Variants in KCNIP4 observed in about 807,000 individuals in gnomAD.
KCNIP4 encodes the protein Kv channel-interacting protein 4.
KCNIP4 carries 12 observed loss-of-function variants against 34.0 expected under a neutral mutation model. The ratio of observed to expected loss-of-function variants is 0.35; its 90% CI spans 0.23 to 0.57. The LOEUF (loss-of-function observed/expected upper bound fraction) is 0.57, where lower values mean the gene tolerates loss of function less well. KCNIP4 is among the 20% of genes least tolerant of loss of function. KCNIP4 has a pLI of 0.83. For missense variants in KCNIP4, 238 were observed against 311.7 expected (o/e 0.76, Z 1.78); for synonymous variants, 124 against 102.2 (o/e 1.21, Z -1.29).
intron 1 of KCNIP4, among the ~76,000 whole-genome samples, chr4:21,019,153 T>C (rs193091656): frequency 1.3e-5 from 2 of 152,278 alleles, no homozygotes; most frequent in Middle Eastern, 3.4e-3. Flanking sequence ...TTTTCTATTC[T>C]TTTTTGTTGT....
intron 1 of KCNIP4, among the ~76,000 whole-genome samples, chr4:21,757,120 A>G (rs946937937): frequency 8.9e-4 from 16 of 17,980 alleles, no homozygotes; most frequent in African/African-American, 5.7e-3. Context: ...AGAAAGAAAG[A>G]AAGAAAGAAA....
intron 1 of KCNIP4, among the ~76,000 whole-genome samples, chr4:21,514,461 T>A (rs1315585122): frequency 6.6e-6 from 1 of 152,078 alleles, no homozygotes; most frequent in Non-Finnish European, 1.5e-5. Context: ...ATCCACACAA[T>A]AAAATATAAC....
intron 1 of KCNIP4, among the ~76,000 whole-genome samples, chr4:21,713,011 C>A (rs942217135): frequency 2.6e-5 from 4 of 152,118 alleles, no homozygotes; most frequent in African/African-American, 9.7e-5. Context: ...CTGTCCAGGT[C>A]CTGTTGAATG....
At chr4:21,687,351 C>T (rs897480883) in intron 1 of KCNIP4, among the ~76,000 whole-genome samples, 35 of 150,060 alleles carry the variant, frequency 2.3e-4, no homozygotes, top group Non-Finnish European at 5.0e-4. Context: ...TAGGAAGTCA[C>T]AATTCTACCA....
intron 1 of KCNIP4, among the ~76,000 whole-genome samples, chr4:21,695,633 T>TA (rs1393984298): frequency 6.6e-6 from 1 of 152,122 alleles, no homozygotes; most frequent in African/African-American, 2.4e-5. Flanking sequence ...CCCAACCACT[T>TA]ACCATTTTCG....
intron 1 of KCNIP4, among the ~76,000 whole-genome samples, chr4:21,616,456 G>C (rs115066737): frequency 6.6e-6 from 1 of 152,178 alleles, no homozygotes; most frequent in African/African-American, 2.4e-5. Flanking sequence ...TGTTGCAATT[G>C]TCTACAACAG....
intron 1 of KCNIP4, among the ~76,000 whole-genome samples, chr4:21,901,556 G>A (rs1209700902): frequency 6.6e-6 from 1 of 152,166 alleles, no homozygotes; most frequent in Non-Finnish European, 1.5e-5. Context: ...CTCTCAAGAG[G>A]TAAAGTGGGG....
At chr4:20,883,965 G>C (rs1321170233) in intron 1 of KCNIP4, among the ~76,000 whole-genome samples, 1 of 152,158 alleles carries the variant, frequency 6.6e-6, no homozygotes, top group East Asian at 1.9e-4. Flanking sequence ...AGCATTTGCA[G>C]CCACTCTCTC....
Position 21,259,920 on chromosome 4 carries a change from T to TGTGTGTGTGTGTGCGC in KCNIP4, c.62-377212_62-377211insGCGCACACACACACAC, listed in dbSNP as rs755266993. On this transcript the variant is annotated intron_variant, in intron 1 of 8. Transcript: ENST00000382152. ...GTGTGTGTGTGTGTGTGTGTGTGTG[T>TGTGTGTGTGTGTGCGC]GCACGTGCGCTTATGTGCATTGTGC... 3.1e-4 allele frequency among the ~76,000 whole-genome samples: 47 copies of TGTGTGTGTGTGTGCGC among 150,194 alleles called. No individual in the cohort carries two copies. The East Asian group carries it at 9.2e-3, about 29-fold the overall frequency.
chr4:20,977,315 T>G (rs1323742228), intron 1 of KCNIP4, among the ~76,000 whole-genome samples: 2 of 152,208 alleles, frequency 1.3e-5, no homozygotes, highest in African/African-American at 4.8e-5. Context: ...GTCAATGTCT[T>G]GCTCACTTAA....
chr4:20,752,421 A>C (rs1171340856), intron 4 of KCNIP4: 1 of 152,164 alleles, frequency 6.6e-6, no homozygotes. Flanking sequence ...AAATAATCCT[A>C]TATACTTATT....
intron 1 of KCNIP4, among the ~76,000 whole-genome samples, chr4:21,917,053 C>T (rs1472435363): frequency 6.6e-6 from 1 of 152,210 alleles, no homozygotes; most frequent in Non-Finnish European, 1.5e-5. Flanking sequence ...CCTCTGTGGT[C>T]CATTCCTTAT....
At chr4:21,291,993 G>A (rs1199683738) in intron 1 of KCNIP4, among the ~76,000 whole-genome samples, 2 of 151,668 alleles carry the variant, frequency 1.3e-5, no homozygotes, top group Non-Finnish European at 2.9e-5. Context: ...CAGAATACAA[G>A]TAGAAAATTC....
chr4:21,504,222 C>T (rs1296626525), intron 1 of KCNIP4, among the ~76,000 whole-genome samples: 3 of 152,008 alleles, frequency 2.0e-5, no homozygotes, highest in African/African-American at 7.2e-5. Flanking sequence ...AATCTCAGCA[C>T]TTTGGTAGGC....
chr4:21,558,787 A>G (rs1739282797), intron 1 of KCNIP4, among the ~76,000 whole-genome samples: 1 of 152,164 alleles, frequency 6.6e-6, no homozygotes, highest in African/African-American at 2.4e-5. Context: ...AGCAAAGATT[A>G]TGTAGATTTT....
rs376764068 is a variant in KCNIP4 at position 21,585,532 on chromosome 4, G to A, written c.61+363039C>T. On this transcript the variant is annotated intron_variant, in intron 1 of 8. Coordinates refer to ENST00000382152, the MANE Select transcript of KCNIP4 (RefSeq NM_025221.6). The stretch of plus-strand genomic sequence containing the variant: ...ATATTTCACTGTGTCATGAGAATGA[G>A]AGTCATTGATCTTGGCAGATCTGAA... 1.7e-3 allele frequency among the ~76,000 whole-genome samples: 258 copies of A among 151,908 alleles called. 10 individuals are homozygous for A. The South Asian group carries it at 0.047, about 28-fold the overall frequency.
chr4:21,033,971 T>G (rs1741230944), intron 1 of KCNIP4, among the ~76,000 whole-genome samples: 1 of 152,194 alleles, frequency 6.6e-6, no homozygotes, highest in Admixed American at 6.6e-5. Context: ...AAAATATTTT[T>G]CTGCGTGTAT....
chr4:21,186,639 TTTTAAG>T (rs940127962), intron 1 of KCNIP4, among the ~76,000 whole-genome samples: 2 of 152,064 alleles, frequency 1.3e-5, no homozygotes, highest in African/African-American at 4.8e-5. Context: ...TCTCAACCCT[TTTTAAG>T]TTTATTTGTT....
At chr4:20,911,560 C>T (rs958619520) in intron 1 of KCNIP4, among the ~76,000 whole-genome samples, 1 of 152,024 alleles carries the variant, frequency 6.6e-6, no homozygotes, top group Non-Finnish European at 1.5e-5. Context: ...TTTTCTGATC[C>T]CATTATTCAT....
Sources: gnomAD v4.1 joint callset for allele counts (sites outside exome capture counted in the v4.1 genomes callset) on GRCh38, gnomAD v4.1.1 for gene constraint, MANE v1.5 for transcripts, NCBI Gene and HGNC (gene_info 2026-07-23, HGNC 2026-07-21) for gene names.